ORC3: variants seen among roughly 807,000 people sequenced by gnomAD.
ORC3 encodes the protein homolog of latheo, Drosophila.
In ORC3, 78 loss-of-function variants were observed where a neutral mutation model predicts 100.7. The observed-to-expected ratio is 0.77, with a 90% CI of 0.65 to 0.94. ORC3 has a LOEUF of 0.94. ORC3 is among the 40% of genes least tolerant of loss of function. The probability of loss-of-function intolerance (pLI) is 0.00; values close to 1 mark genes in which losing one functional copy is unlikely to be tolerated. For synonymous variants in ORC3, 295 were observed against 289.3 expected (o/e 1.02, Z -0.20); for missense variants, 789 against 823.9 (o/e 0.96, Z 0.52).
chr6:87,660,401 A>G (rs1413701871), intron 16 of ORC3, among the ~76,000 whole-genome samples: 2 of 152,222 alleles, frequency 1.3e-5, no homozygotes, highest in Non-Finnish European at 2.9e-5. Flanking sequence ...GACTCATGCA[A>G]GGTCACACAG....
At position 87,662,109 on chromosome 6, in the gene ORC3, G is replaced by A. The variant is rs892515381; in HGVS notation, c.1692-894G>A. Among the ~76,000 whole-genome samples the A allele has an allele frequency of 1.9e-4, 29 of 151,934 alleles. 1 individual carries two copies. Among genetic ancestry groups the A allele is most frequent in the Admixed American group, 1.6e-3 (24 of 15,240 alleles). ...GATTTAGTCTTTTCTGCCTTCTAAC[G>A]TAATAAGTAATTCCAATATATAAAA... On this transcript the variant is annotated intron_variant, in intron 16 of 19. Transcript: ENST00000392844.
intron 16 of ORC3, among the ~76,000 whole-genome samples, chr6:87,661,750 G>A (rs1000950047): frequency 1.3e-5 from 2 of 152,152 alleles, no homozygotes; most frequent in Non-Finnish European, 2.9e-5. Context: ...ACTGGACTAA[G>A]CCCCAGAAAT....
intron 1 of ORC3, among the ~76,000 whole-genome samples, chr6:87,592,858 C>T (rs1777136431): frequency 6.6e-6 from 1 of 152,126 alleles, no homozygotes; most frequent in African/African-American, 2.4e-5. Context: ...CTTTGGGAGG[C>T]CGAGGCGGAT....
chr6:87,603,303 A>G, intron 3 of ORC3, 81 bp from the exon 4 acceptor site: 1 of 720,146 alleles, frequency 1.4e-6, no homozygotes, highest in Admixed American at 3.1e-5. Context: ...CATTGAATCC[A>G]TGACAATTTT....
chr6:87,611,987 T>G, intron 7 of ORC3, 102 bp from the exon 8 acceptor site: 1 of 1,083,472 alleles, frequency 9.2e-7, no homozygotes, highest in Non-Finnish European at 1.3e-6. Context: ...CAGTGTCTTA[T>G]AAAGTAAGCA....
At chr6:87,663,239 C>A in intron 17 of ORC3, 95 bp downstream of exon 17, 2 of 968,756 alleles carry the variant, frequency 2.1e-6, no homozygotes, top group Non-Finnish European at 3.0e-6. Flanking sequence ...TTTTAATGAG[C>A]AGAGAGTCGG....
chr6:87,593,423 T>C (rs17564089), intron 1 of ORC3, among the ~76,000 whole-genome samples: 1,767 of 152,326 alleles, frequency 0.012, 18 homozygotes, highest in Non-Finnish European at 0.017. Flanking sequence ...TTAAAGTGAC[T>C]TAAAACAATG....
intron 17 of ORC3, among the ~76,000 whole-genome samples, 187 bp from the exon 18 acceptor site, chr6:87,664,556 G>A (rs1406855964): frequency 3.3e-5 from 5 of 152,022 alleles, no homozygotes; most frequent in Admixed American, 2.0e-4. Context: ...GAACTAGAGG[G>A]GTTATGACCA....
At chr6:87,662,922 A>T in intron 16 of ORC3, 81 bp from the exon 17 acceptor site, 1 of 900,438 alleles carries the variant, frequency 1.1e-6, no homozygotes, top group Non-Finnish European at 1.5e-6. Context: ...AACAGAGCTT[A>T]AAGGAAAAAA....
chr6:87,660,266 T>G (rs1449906648), intron 16 of ORC3, among the ~76,000 whole-genome samples: 4 of 152,236 alleles, frequency 2.6e-5, no homozygotes, highest in Non-Finnish European at 5.9e-5. Context: ...AAATCTTCCA[T>G]ACTAGGATTT....
rs1216252598 is a variant in ORC3 at position 87,651,862 on chromosome 6, AT to A, written c.1383-1252del. On this transcript the variant is annotated intron_variant, in intron 13 of 19. Transcript: ENST00000392844. ...ATTAGTTGTATTACAAAATGCCCAC[AT>A]TCTGGATTTGTCTGTTACTTCATGG... Among the ~76,000 whole-genome samples the A allele has an allele frequency of 1.6e-4, 24 of 151,080 alleles. 1 individual carries two copies. In the South Asian group the frequency reaches 5.0e-3, roughly 32 times the overall value.
chr6:87,676,368 A>T, the ORC3 span, among the ~76,000 whole-genome samples: 4 of 140,014 alleles, frequency 2.9e-5, no homozygotes, highest in Admixed American at 7.6e-5. Flanking sequence ...CGGGAGGCTG[A>T]GGCAGGAGAA....
At chr6:87,614,438 G>T (rs1779009316) in intron 8 of ORC3, among the ~76,000 whole-genome samples, 1 of 152,204 alleles carries the variant, frequency 6.6e-6, no homozygotes, top group South Asian at 2.1e-4. Flanking sequence ...TTGTTTTGGG[G>T]ATTAACGTTT....
chr6:87,671,559 GAGGCAAGCAGCCCAAGGT>G (rs1770832190), downstream of ORC3, among the ~76,000 whole-genome samples: 11 of 151,668 alleles, frequency 7.3e-5, no homozygotes, highest in South Asian at 2.3e-3. Context: ...ACTAAGAGAG[GAGGCAAGCAGCCCAAGGT>G]CAAGCTCGGG....
At chr6:87,594,561 G>A in intron 2 of ORC3, 154 bp downstream of exon 2, 1 of 1,319,950 alleles carries the variant, frequency 7.6e-7, no homozygotes, top group Non-Finnish European at 9.7e-7. Flanking sequence ...AAAGAGATAA[G>A]AGGACACCCC....
chr6:87,604,661 A>G (rs1311308086), intron 4 of ORC3, among the ~76,000 whole-genome samples: 2 of 152,230 alleles, frequency 1.3e-5, no homozygotes, highest in African/African-American at 4.8e-5. Flanking sequence ...AATGTTATTA[A>G]TAAATAGCTT....
At chr6:87,643,506 T>C (rs1352403327) in intron 13 of ORC3, among the ~76,000 whole-genome samples, 1 of 152,164 alleles carries the variant, frequency 6.6e-6, no homozygotes, top group Non-Finnish European at 1.5e-5. Context: ...TGAATGGCTG[T>C]AGGCAGTTGA....
intron 3 of ORC3, among the ~76,000 whole-genome samples, chr6:87,602,916 A>ATATATAT (rs1778025470): frequency 9.1e-6 from 1 of 109,308 alleles, no homozygotes; most frequent in African/African-American, 4.1e-5. Flanking sequence ...TATATATTAT[A>ATATATAT]TATATATATA....
chr6:87,660,139 C>A (rs1770072601), intron 16 of ORC3, among the ~76,000 whole-genome samples: 2 of 152,178 alleles, frequency 1.3e-5, no homozygotes, highest in African/African-American at 4.8e-5. Context: ...GCTCTGAAAT[C>A]ACATCAGCCG....
Sources: gnomAD v4.1 joint callset for allele counts (sites outside exome capture counted in the v4.1 genomes callset) on GRCh38, gnomAD v4.1.1 for gene constraint, MANE v1.5 for transcripts, NCBI Gene and HGNC (gene_info 2026-07-23, HGNC 2026-07-21) for gene names.